The following PLXNA4 variants were observed in gnomAD, a reference collection of about 807,000 sequenced individuals.
PLXNA4 encodes plexin-A4.
In PLXNA4, 44 loss-of-function variants were observed where a neutral mutation model predicts 191.8. That is an observed-to-expected ratio of 0.23 (90% confidence interval 0.18 to 0.29). PLXNA4 has a LOEUF of 0.29. Among genes scored for constraint, PLXNA4 ranks in the 10% least tolerant of loss-of-function variants. The pLI, the probability that PLXNA4 is intolerant of heterozygous loss-of-function variation, is 1.00. For missense variants in PLXNA4, 1,800 were observed against 2,488.8 expected (o/e 0.72, Z 5.89); for synonymous variants, 1,082 against 1,009.5 (o/e 1.07, Z -1.36).
intron 13 of PLXNA4, among the ~76,000 whole-genome samples, chr7:132,194,465 G>A (rs1214303493): frequency 6.6e-6 from 1 of 152,204 alleles, no homozygotes; most frequent in East Asian, 1.9e-4. Flanking sequence ...CTACTCAGTT[G>A]TCAACTAGAC....
intron 4 of PLXNA4, among the ~76,000 whole-genome samples, chr7:132,275,916 T>C (rs189087618): frequency 7.9e-5 from 12 of 152,346 alleles, no homozygotes; most frequent in African/African-American, 2.6e-4. Context: ...TCCATTGCTG[T>C]TCCCTCTGTC....
intron 4 of PLXNA4, among the ~76,000 whole-genome samples, chr7:132,261,238 T>C (rs1249787425): frequency 1.3e-5 from 2 of 152,126 alleles, no homozygotes; most frequent in Admixed American, 6.5e-5. Flanking sequence ...GGACCCAATG[T>C]GGAGAGCCAA....
At chr7:132,255,321 C>A (rs1198426003) in intron 4 of PLXNA4, among the ~76,000 whole-genome samples, 1 of 152,074 alleles carries the variant, frequency 6.6e-6, no homozygotes, top group Non-Finnish European at 1.5e-5. Flanking sequence ...CTTGGTCAGG[C>A]GCACTCAACA....
At chr7:132,190,285 A>G (rs1204700945) in intron 14 of PLXNA4, among the ~76,000 whole-genome samples, 1 of 152,216 alleles carries the variant, frequency 6.6e-6, no homozygotes, top group African/African-American at 2.4e-5. Flanking sequence ...ACCCCTCTCC[A>G]GGGTAGGAAC....
At chr7:132,131,521 G>A (rs527355357) in intron 31 of PLXNA4, among the ~76,000 whole-genome samples, 1 of 152,162 alleles carries the variant, frequency 6.6e-6, no homozygotes, top group Admixed American at 6.5e-5. Flanking sequence ...AGGGCAAGGA[G>A]ATGAGAAGGA....
At chr7:132,548,829 C>A (rs375870494) in intron 1 of PLXNA4, among the ~76,000 whole-genome samples, 2 of 152,260 alleles carry the variant, frequency 1.3e-5, no homozygotes, top group South Asian at 4.2e-4. Flanking sequence ...GCTGATAAAA[C>A]AGGATGTGGT....
chr7:132,313,127 C>T (rs1473692445), intron 3 of PLXNA4, among the ~76,000 whole-genome samples: 1 of 152,162 alleles, frequency 6.6e-6, no homozygotes, highest in African/African-American at 2.4e-5. Flanking sequence ...TCTCTGCCTA[C>T]CTCACTATAC....
rs555346246 is a variant in PLXNA4, at chr7:132,455,685, G to A, written c.1371+33607C>T. On this transcript the variant is annotated intron_variant, in intron 3 of 31. Transcript: ENST00000321063. ...TGGGCTTCGAAATTGTGCATCAAGC[G>A]TGCAGCTGTGAAAAGAATGATACAA... Among the ~76,000 whole-genome samples the A allele has an allele frequency of 3.9e-5, 6 of 152,152 alleles. 1 individual carries two copies. In the South Asian group the frequency reaches 8.3e-4, roughly 21 times the overall value.
chr7:132,278,351 G>A (rs1800353448), intron 4 of PLXNA4, among the ~76,000 whole-genome samples: 1 of 152,188 alleles, frequency 6.6e-6, no homozygotes, highest in Non-Finnish European at 1.5e-5. Flanking sequence ...CTGAGACTGG[G>A]AGGCAGACTC....
In PLXNA4 at chr7:132,474,214, T is replaced by TCACACACACACACACA. The variant is rs56832356; in HGVS notation, c.1371+15062_1371+15077dup. 2.6e-3 allele frequency among the ~76,000 whole-genome samples: 366 copies of TCACACACACACACACA among 140,288 alleles called. 4 individuals are homozygous for TCACACACACACACACA. Among genetic ancestry groups the TCACACACACACACACA allele is most frequent in the African/African-American group, 8.1e-3 (302 of 37,388 alleles). 92.0% of individuals were successfully genotyped at this position (140,288 alleles called of 152,430 possible). A position where few individuals can be genotyped will look rare whatever the true frequency, so the allele number is the denominator to read the frequency against. The stretch of plus-strand genomic sequence containing the variant: ...TGAGCCAAGATCAGATCTCTCTGTC[T>TCACACACACACACACA]CACACACACACACACACACACACAC... On this transcript the variant is annotated intron_variant, in intron 3 of 31. Coordinates refer to ENST00000321063, the MANE Select transcript of PLXNA4 (RefSeq NM_020911.2).
chr7:132,226,205 G>A lies in PLXNA4; in HGVS notation c.1938C>T (p.Phe646=), dbSNP rs367615198. Residue 646 remains phenylalanine (F), a synonymous_variant, in exon 8 of 32, where the codon TTC becomes TTT. Transcript: ENST00000321063. ...TGTAGAAGACAAAGCTGGTGCTGGCGAAGGTCATGCCGGTCTCCTTTGATT... is the reference window on the plus strand; with the variant it reads ...TGTAGAAGACAAAGCTGGTGCTGGCAAAGGTCATGCCGGTCTCCTTTGATT... ...QLKSKETGMT[F]ASTSFVFYNC... is the part of the protein sequence containing the mutation. The A allele has an allele frequency of 3.0e-5, 49 of 1,613,870 alleles. No individual in the cohort carries two copies. Among genetic ancestry groups the A allele is most frequent in the African/African-American group, 1.2e-4 (9 of 74,930 alleles).
intron 1 of PLXNA4, among the ~76,000 whole-genome samples, chr7:132,548,762 AT>A (rs1296007741): frequency 6.6e-6 from 1 of 152,218 alleles, no homozygotes; most frequent in East Asian, 1.9e-4. Flanking sequence ...AAGGTTAGGC[AT>A]TCTTAGTCAC....
chr7:132,509,534 G>T (rs1045445878), intron 1 of PLXNA4, among the ~76,000 whole-genome samples: 6 of 152,212 alleles, frequency 3.9e-5, no homozygotes, highest in Non-Finnish European at 8.8e-5. Flanking sequence ...GCTTAGGGAA[G>T]TCATGTAACT....
chr7:132,549,451 C>T (rs540979805), intron 1 of PLXNA4, among the ~76,000 whole-genome samples: 1 of 152,280 alleles, frequency 6.6e-6, no homozygotes, highest in Admixed American at 6.5e-5. Flanking sequence ...CCAAACTTGG[C>T]TACTCATGAG....
intron 3 of PLXNA4, among the ~76,000 whole-genome samples, chr7:132,357,249 G>C (rs562184221): frequency 1.4e-4 from 22 of 152,286 alleles, no homozygotes; most frequent in African/African-American, 5.1e-4. Context: ...CAGAGGGGAG[G>C]CTGGAGAGCC....
intron 1 of PLXNA4, among the ~76,000 whole-genome samples, chr7:132,572,882 C>T (rs553802311): frequency 6.6e-6 from 1 of 152,290 alleles, no homozygotes; most frequent in South Asian, 2.1e-4. Flanking sequence ...AGGCCAATTA[C>T]CCTAATCATG....
chr7:132,566,316 A>G (rs1173304833), intron 1 of PLXNA4, among the ~76,000 whole-genome samples: 1 of 152,096 alleles, frequency 6.6e-6, no homozygotes, highest in Admixed American at 6.5e-5. Flanking sequence ...ACACACACAC[A>G]CATACAATCA....
intron 24 of PLXNA4, among the ~76,000 whole-genome samples, chr7:132,163,045 G>A (rs138213242): frequency 9.9e-5 from 15 of 152,216 alleles, no homozygotes; most frequent in East Asian, 3.9e-4. Context: ...TCTGTTCCCC[G>A]TCCTCCTCGT....
At chr7:132,269,734 C>CT (rs1799993727) in intron 4 of PLXNA4, among the ~76,000 whole-genome samples, 2 of 149,306 alleles carry the variant, frequency 1.3e-5, no homozygotes, top group Non-Finnish European at 3.0e-5. Flanking sequence ...TTATTTTTGT[C>CT]TTTTTCTGGG....
Sources: gnomAD v4.1 joint callset for allele counts (sites outside exome capture counted in the v4.1 genomes callset) on GRCh38, gnomAD v4.1.1 for gene constraint, MANE v1.5 for transcripts, NCBI Gene and HGNC (gene_info 2026-07-23, HGNC 2026-07-21) for gene names.